ARHGEF10: variants seen among roughly 807,000 people sequenced by gnomAD.
ARHGEF10 encodes Rho guanine nucleotide exchange factor 10, also known as Rho guanine nucleotide exchange factor (GEF) 10.
Under a neutral mutation model 147.4 loss-of-function variants are expected in ARHGEF10, and 140 were observed. That is an observed-to-expected ratio of 0.95 (90% CI 0.83 to 1.09). The LOEUF (loss-of-function observed/expected upper bound fraction) is 1.09. Among genes scored for constraint, ARHGEF10 ranks in the 50% least tolerant of loss-of-function variants. The probability of loss-of-function intolerance (pLI) is 0.00; values close to 1 mark genes in which losing one functional copy is unlikely to be tolerated. For missense variants in ARHGEF10, 2,222 were observed against 1,752.7 expected (o/e 1.27, Z -4.78); for synonymous variants, 902 against 695.8 (o/e 1.30, Z -4.67).
chr8:1,935,235 C>T (rs1813485435), intron 26 of ARHGEF10, among the ~76,000 whole-genome samples: 1 of 152,078 alleles, frequency 6.6e-6, no homozygotes, highest in Non-Finnish European at 1.5e-5. Flanking sequence ...CCCATCAGCC[C>T]CGTCCTGGAG....
At chr8:1,878,897 C>T (rs1231050519) in intron 8 of ARHGEF10, among the ~76,000 whole-genome samples, 1 of 152,174 alleles carries the variant, frequency 6.6e-6, no homozygotes, top group African/African-American at 2.4e-5. Context: ...GAGCGCTGGG[C>T]TCTGCATTTC....
chr8:1,918,077 C>T (rs974109629), intron 18 of ARHGEF10, among the ~76,000 whole-genome samples: 2 of 152,140 alleles, frequency 1.3e-5, no homozygotes, highest in Non-Finnish European at 1.5e-5. Flanking sequence ...CGTGAGCCAC[C>T]GCGCCTGAAC....
chr8:1,910,511 G>C (rs111565384), intron 18 of ARHGEF10, among the ~76,000 whole-genome samples: 3 of 152,050 alleles, frequency 2.0e-5, no homozygotes, highest in African/African-American at 7.2e-5. Flanking sequence ...TATTTAAAGT[G>C]GTATGCGTCT....
At chr8:1,911,894 T>A (rs1811385616) in intron 18 of ARHGEF10, among the ~76,000 whole-genome samples, 2 of 152,222 alleles carry the variant, frequency 1.3e-5, no homozygotes, top group Non-Finnish European at 2.9e-5. Context: ...AAATTCACTC[T>A]CAGTGTTTGT....
At position 1,922,945 on chromosome 8, in the gene ARHGEF10, C is replaced by CT. The variant is rs1290372892; in HGVS notation, c.2144-14dup. On this transcript the variant is annotated intron_variant, in intron 18 of 28. Transcript: ENST00000349830. ...CTTTACCTTTGTATTCTTTTTTTTT[C>CT]TTTTTGCTTATTTTGTAGACAAAGT... 4 of 1,531,654 alleles carry CT rather than the reference C, an allele frequency of 2.6e-6. No homozygotes were observed. The highest frequency in any genetic ancestry group is 1.4e-5 in the African/African-American group (1 of 71,888). 94.9% of individuals were successfully genotyped at this position (1,531,654 alleles called of 1,614,324 possible).
chr8:1,917,077 T>A (rs1811814241), intron 18 of ARHGEF10, among the ~76,000 whole-genome samples: 1 of 152,388 alleles, frequency 6.6e-6, no homozygotes, highest in Non-Finnish European at 1.5e-5. Flanking sequence ...GCAAGCTTCT[T>A]CAGTTACTAG....
At chr8:1,927,037 C>T in intron 23 of ARHGEF10, 1 of 188,038 alleles carries the variant, frequency 5.3e-6, no homozygotes, top group South Asian at 1.0e-4. Context: ...CTCATCCTTT[C>T]CTCCCAGGCG....
At chr8:1,880,593 G>A (rs759894576) in intron 9 of ARHGEF10, among the ~76,000 whole-genome samples, 2 of 152,168 alleles carry the variant, frequency 1.3e-5, no homozygotes, top group Non-Finnish European at 2.9e-5. Context: ...AACTTCAAAT[G>A]CAGTAAATAT....
intron 18 of ARHGEF10, among the ~76,000 whole-genome samples, chr8:1,919,198 C>T (rs35068948): frequency 0.11 from 12,141 of 111,468 alleles, 619 homozygotes; most frequent in Middle Eastern, 0.24. Context: ...GGAGCTGTTC[C>T]GTGGGTGATG....
In ARHGEF10 at chr8:1,880,050, T is replaced by C. The variant is rs2129119882; in HGVS notation, c.846T>C (p.Leu282=). ...SFLRSNHKKQ[L]SHDLTRLKEH... ...GACTGTGTCTCTTTATGCTGTAGCT[T>C]TCTCATGACCTAACCCGTTTAAAGG... Residue 282 remains leucine (L), a splice_region_variant and synonymous_variant, in exon 9 of 29, where the codon CTT becomes CTC. Coordinates refer to ENST00000349830, the MANE Select transcript of ARHGEF10 (RefSeq NM_014629.4). 4 of 1,608,366 alleles carry C rather than the reference T, an allele frequency of 2.5e-6. No individual in the cohort carries two copies. Among genetic ancestry groups the C allele is most frequent in the Non-Finnish European group, 3.4e-6 (4 of 1,174,676 alleles).
intron 1 of ARHGEF10, among the ~76,000 whole-genome samples, chr8:1,834,271 C>T (rs1563151488): frequency 2.0e-5 from 3 of 152,226 alleles, no homozygotes; most frequent in African/African-American, 4.8e-5. Context: ...TGTTATAAAG[C>T]CCTTGCGAGA....
At chr8:1,916,728 C>G (rs1811788599) in intron 18 of ARHGEF10, among the ~76,000 whole-genome samples, 1 of 152,200 alleles carries the variant, frequency 6.6e-6, no homozygotes, top group African/African-American at 2.4e-5. Context: ...TGCCTCTTAT[C>G]AGACTAGGGA....
chr8:1,867,985 A>C (rs1225931964), intron 6 of ARHGEF10, among the ~76,000 whole-genome samples: 1 of 152,234 alleles, frequency 6.6e-6, no homozygotes, highest in Non-Finnish European at 1.5e-5. Context: ...GTTTGCTAAC[A>C]GTTTTATTTC....
intron 7 of ARHGEF10, among the ~76,000 whole-genome samples, chr8:1,873,081 G>A (rs1438838059): frequency 6.6e-6 from 1 of 152,210 alleles, no homozygotes; most frequent in African/African-American, 2.4e-5. Flanking sequence ...GCCGTGTGGC[G>A]AGGCCCAGTG....
chr8:1,877,844 C>T (rs772352187), intron 8 of ARHGEF10, among the ~76,000 whole-genome samples: 3 of 152,002 alleles, frequency 2.0e-5, no homozygotes, highest in Non-Finnish European at 2.9e-5. Context: ...CTGAGGCTGG[C>T]GAGTCCCGTG....
chr8:1,888,184 G>GTA, intron 11 of ARHGEF10, among the ~76,000 whole-genome samples: 1 of 71,242 alleles, frequency 1.4e-5, no homozygotes, highest in South Asian at 3.6e-4. Context: ...TGAGTGGGGT[G>GTA]AGGGTTTGCG....
chr8:1,904,792 G>A (rs1470490769), intron 16 of ARHGEF10, among the ~76,000 whole-genome samples: 1 of 151,910 alleles, frequency 6.6e-6, no homozygotes, highest in African/African-American at 2.4e-5. Flanking sequence ...CAGACCACCG[G>A]GGCTGAGGAC....
intron 7 of ARHGEF10, among the ~76,000 whole-genome samples, chr8:1,874,553 G>C (rs940064918): frequency 1.3e-4 from 20 of 152,226 alleles, no homozygotes; most frequent in Admixed American, 5.2e-4. Context: ...GGAAATAGGG[G>C]ATGGAGTTTC....
chr8:1,945,677 C>T (rs937557194), intron 27 of ARHGEF10, 22 bp downstream of exon 27: 2 of 1,614,020 alleles, frequency 1.2e-6, no homozygotes, highest in Non-Finnish European at 8.5e-7. Context: ...GGACGGGGCC[C>T]AGGGATGGGA....
Sources: allele counts gnomAD v4.1 joint callset (sites outside exome capture counted in the v4.1 genomes callset), GRCh38; gene constraint gnomAD v4.1.1; transcripts MANE v1.5; gene names NCBI Gene and HGNC (gene_info 2026-07-23, HGNC 2026-07-21).